Variants in ATG7 observed in about 807,000 individuals in gnomAD.
ATG7 encodes the protein ubiquitin-like modifier-activating enzyme ATG7.
In ATG7, 70 loss-of-function variants were observed where a neutral mutation model predicts 82.4. That is an observed-to-expected ratio of 0.85 (90% confidence interval 0.70 to 1.04). The LOEUF is 1.04. ATG7 is among the 50% of genes least tolerant of loss of function. The pLI, the probability that ATG7 is intolerant of heterozygous loss-of-function variation, is 0.00. For missense variants in ATG7, 792 were observed against 864.3 expected, an observed-to-expected ratio of 0.92 and a Z score of 1.05; for synonymous variants, 287 against 313.0, an observed-to-expected ratio of 0.92 and a Z score of 0.88.
In ATG7 at chr3:11,527,067, G is replaced by GTATA. The variant is rs1157835767; in HGVS notation, c.2080-27743_2080-27742insATAT. On this transcript the variant is annotated intron_variant, in intron 20 of 20. Transcript: ENST00000693202. ...TGTGTGTGTGTGTGTGTGTGTGTGT[G>GTATA]TGTGTATATATATATATATATATAT... is the stretch of plus-strand genomic sequence containing the variant. Among the ~76,000 whole-genome samples the GTATA allele has an allele frequency of 1.3e-3, 128 of 95,294 alleles. 1 individual carries two copies. The highest frequency in any genetic ancestry group is 5.1e-3 in the Middle Eastern group (1 of 198). The allele number at this position is 95,294 out of a possible 152,430, so 62.5% of individuals were successfully genotyped here. A position where few individuals can be genotyped will look rare whatever the true frequency, so the allele number is the denominator to read the frequency against.
At chr3:11,278,562 G>A (rs1942390690) in intron 1 of ATG7, among the ~76,000 whole-genome samples, 3 of 152,192 alleles carry the variant, frequency 2.0e-5, no homozygotes, top group Non-Finnish European at 4.4e-5. Flanking sequence ...TTGGGCACCT[G>A]TGAGGTGCGA....
intron 20 of ATG7, chr3:11,446,661 T>C (rs576193803): frequency 4.4e-6 from 1 of 227,018 alleles, no homozygotes; most frequent in East Asian, 1.7e-4. Flanking sequence ...ACTGAATTCA[T>C]GAATTCCTGA....
At chr3:11,429,168 T>A (rs6802055) in intron 20 of ATG7, among the ~76,000 whole-genome samples, 140,028 of 151,980 alleles carry the variant, frequency 0.92, 64,669 homozygotes, top group East Asian at 1. Context: ...CCTGCCCAGT[T>A]TGTTAAATTC....
intron 20 of ATG7, among the ~76,000 whole-genome samples, chr3:11,478,807 G>A (rs888240864): frequency 6.6e-6 from 1 of 151,890 alleles, no homozygotes; most frequent in African/African-American, 2.4e-5. Flanking sequence ...GAATGTGCAA[G>A]CCCAAACTTG....
At chr3:11,440,674 C>CATTTTT (rs769737485) in intron 20 of ATG7, among the ~76,000 whole-genome samples, 1 of 39,484 alleles carries the variant, frequency 2.5e-5, no homozygotes, top group African/African-American at 1.1e-4. Context: ...TCCCCATTTG[C>CATTTTT]TTTTTTTTTT....
intron 3 of ATG7, among the ~76,000 whole-genome samples, chr3:11,294,382 G>A (rs920628005): frequency 2.6e-5 from 3 of 115,306 alleles, no homozygotes; most frequent in African/African-American, 8.2e-5. Flanking sequence ...CACTACACCC[G>A]GCTAATTTTT....
At chr3:11,501,419 T>A (rs1191936085) in intron 20 of ATG7, among the ~76,000 whole-genome samples, 1 of 152,226 alleles carries the variant, frequency 6.6e-6, no homozygotes, top group Non-Finnish European at 1.5e-5. Context: ...GAGAAGTTTC[T>A]ATTTCAGTGT....
chr3:11,353,116 G>GA (rs1330798977), intron 14 of ATG7, among the ~76,000 whole-genome samples: 4 of 152,174 alleles, frequency 2.6e-5, no homozygotes, highest in African/African-American at 9.6e-5. Context: ...ACTTGGAAAA[G>GA]AAAAAAATAA....
At chr3:11,416,669 TTG>T (rs1333636475) in intron 19 of ATG7, among the ~76,000 whole-genome samples, 3 of 152,280 alleles carry the variant, frequency 2.0e-5, no homozygotes, top group African/African-American at 7.2e-5. Context: ...TATTGATTGT[TTG>T]TTTCTCCATT....
At chr3:11,460,622 AT>A (rs1272412397) in intron 20 of ATG7, among the ~76,000 whole-genome samples, 1 of 152,238 alleles carries the variant, frequency 6.6e-6, no homozygotes, top group South Asian at 2.1e-4. Flanking sequence ...CACAGAATTC[AT>A]TCCATAAAAA....
chr3:11,402,497 G>A (rs1576121626), intron 19 of ATG7, among the ~76,000 whole-genome samples: 1 of 152,120 alleles, frequency 6.6e-6, no homozygotes, highest in Admixed American at 6.5e-5. Flanking sequence ...GAAAAACCAG[G>A]GTGTGAACCA....
At chr3:11,433,426 GA>G (rs1421066794) in intron 20 of ATG7, among the ~76,000 whole-genome samples, 1 of 151,500 alleles carries the variant, frequency 6.6e-6, no homozygotes, top group African/African-American at 2.4e-5. Flanking sequence ...CTCATCCTAT[GA>G]GTAGAATAAG....
intron 20 of ATG7, among the ~76,000 whole-genome samples, chr3:11,444,924 A>G (rs898609462): frequency 6.6e-6 from 1 of 152,244 alleles, no homozygotes; most frequent in Non-Finnish European, 1.5e-5. Flanking sequence ...CTAAAAGAAG[A>G]CATACATGTG....
At chr3:11,390,268 G>A (rs562329915) in intron 19 of ATG7, among the ~76,000 whole-genome samples, 1 of 152,348 alleles carries the variant, frequency 6.6e-6, no homozygotes, top group South Asian at 2.1e-4. Flanking sequence ...AAGGCACACA[G>A]ATTTTTTAAA....
chr3:11,463,073 TG>T (rs71055879), intron 20 of ATG7, among the ~76,000 whole-genome samples: 2 of 151,920 alleles, frequency 1.3e-5, no homozygotes, highest in Non-Finnish European at 2.9e-5. Context: ...TTAGTAGAGA[TG>T]GGGTTTTGCC....
chr3:11,563,317 G>A, the ATG7 span, among the ~76,000 whole-genome samples: 1 of 152,218 alleles, frequency 6.6e-6, no homozygotes, highest in Non-Finnish European at 1.5e-5. Flanking sequence ...CTGCCTGCAC[G>A]GTTCAGGCCA....
chr3:11,373,717 A>G (rs1198021598), intron 18 of ATG7, among the ~76,000 whole-genome samples: 6 of 152,218 alleles, frequency 3.9e-5, no homozygotes, highest in Non-Finnish European at 8.8e-5. Flanking sequence ...AGGTATGTGT[A>G]TATTTATTAG....
At chr3:11,329,418 C>T (rs1376217225) in intron 9 of ATG7, among the ~76,000 whole-genome samples, 1 of 152,128 alleles carries the variant, frequency 6.6e-6, no homozygotes, top group African/African-American at 2.4e-5. Context: ...CCATGCTATG[C>T]TTATGAAGGA....
At chr3:11,471,296 T>TG (rs2087489912) in intron 20 of ATG7, among the ~76,000 whole-genome samples, 1 of 152,188 alleles carries the variant, frequency 6.6e-6, no homozygotes, top group South Asian at 2.1e-4. Flanking sequence ...CTCACACTTC[T>TG]GCCTGGCAAA....
Sources: allele counts gnomAD v4.1 joint callset (sites outside exome capture counted in the v4.1 genomes callset), GRCh38; gene constraint gnomAD v4.1.1; transcripts MANE v1.5; gene names NCBI Gene and HGNC (gene_info 2026-07-23, HGNC 2026-07-21).